DLGAP2: variants seen among roughly 807,000 people sequenced by gnomAD.
DLGAP2 encodes the protein disks large-associated protein 2.
In DLGAP2, 26 loss-of-function variants were observed where a neutral mutation model predicts 100.3. That is an observed-to-expected ratio of 0.26 (90% confidence interval 0.19 to 0.36). The LOEUF is 0.36. DLGAP2 is among the 10% of genes least tolerant of loss of function. DLGAP2 has a pLI of 1.00. For synonymous variants in DLGAP2, 886 were observed against 630.1 expected, an observed-to-expected ratio of 1.41 and a Z score of -6.08; for missense variants, 1,858 against 1,453.2, an observed-to-expected ratio of 1.28 and a Z score of -4.53.
chr8:1,458,159 G>A lies in DLGAP2; in HGVS notation c.107-43207G>A, dbSNP rs1003767565. On this transcript the variant is annotated intron_variant, in intron 3 of 14. Transcript: ENST00000637795. ...CTGACCTCGTGATCCACCCGCCTCG[G>A]CCTCCCAAAGTGCTGGGATTACAGG... Among the ~76,000 whole-genome samples the A allele has an allele frequency of 5.3e-5, 8 of 151,606 alleles. No individual in the cohort carries two copies. In the East Asian group the frequency reaches 1.2e-3, roughly 22 times the overall value.
chr8:917,126 C>T (rs989975821), intron 2 of DLGAP2, among the ~76,000 whole-genome samples: 3 of 152,148 alleles, frequency 2.0e-5, no homozygotes, highest in Admixed American at 6.5e-5. Context: ...AGTGAAGGGC[C>T]GGGGATAGTA....
At chr8:1,701,061 A>C in intron 14 of DLGAP2, 127 bp from the exon 15 acceptor site, 2 of 788,508 alleles carry the variant, frequency 2.5e-6, no homozygotes, top group Non-Finnish European at 4.0e-6. Flanking sequence ...GGGGGACGGG[A>C]GTGAAGGATG....
At chr8:763,542 G>A (rs947019443) in intron 1 of DLGAP2, among the ~76,000 whole-genome samples, 1 of 152,196 alleles carries the variant, frequency 6.6e-6, no homozygotes, top group African/African-American at 2.4e-5. Flanking sequence ...TTGCTCGAAA[G>A]GGTCTGTTGA....
intron 1 of DLGAP2, among the ~76,000 whole-genome samples, chr8:889,148 C>T (rs1797983800): frequency 2.6e-5 from 4 of 152,098 alleles, no homozygotes; most frequent in African/African-American, 7.2e-5. Flanking sequence ...AAGACAATGT[C>T]ATCAGTTAAG....
At chr8:1,187,229 C>G (rs1374297162) in intron 2 of DLGAP2, among the ~76,000 whole-genome samples, 1 of 152,082 alleles carries the variant, frequency 6.6e-6, no homozygotes, top group Non-Finnish European at 1.5e-5. Flanking sequence ...ACGGGACCTC[C>G]GTGACGTTTG....
intron 3 of DLGAP2, among the ~76,000 whole-genome samples, chr8:1,385,082 AC>A (rs1301600357): frequency 2.4e-5 from 2 of 81,746 alleles, no homozygotes; most frequent in African/African-American, 1.0e-4. Context: ...GTGCACAGTT[AC>A]CCCGGCCTAT....
intron 2 of DLGAP2, among the ~76,000 whole-genome samples, chr8:1,237,703 T>C (rs1161668263): frequency 9.1e-6 from 1 of 110,034 alleles, no homozygotes; most frequent in African/African-American, 3.9e-5. Flanking sequence ...TCTAGTTCTC[T>C]CACATGGTGC....
chr8:1,080,225 C>T (rs768342361), intron 2 of DLGAP2, among the ~76,000 whole-genome samples: 2 of 152,232 alleles, frequency 1.3e-5, no homozygotes, highest in Non-Finnish European at 2.9e-5. Flanking sequence ...TGCTGTCAGG[C>T]ACTCAGCAGG....
At chr8:1,495,203 G>A (rs1040783426) in intron 3 of DLGAP2, among the ~76,000 whole-genome samples, 7 of 152,174 alleles carry the variant, frequency 4.6e-5, no homozygotes, top group African/African-American at 1.2e-4. Context: ...TTGCCTGCTC[G>A]TGTGGTGGCC....
intron 1 of DLGAP2, among the ~76,000 whole-genome samples, chr8:754,442 T>C (rs1207281460): frequency 5.3e-5 from 8 of 152,238 alleles, no homozygotes; most frequent in Non-Finnish European, 1.0e-4. Flanking sequence ...GCCCATGCCT[T>C]TCCTGAAAGG....
chr8:1,433,669 T>C (rs1489710827), intron 3 of DLGAP2, among the ~76,000 whole-genome samples: 1 of 150,970 alleles, frequency 6.6e-6, no homozygotes, highest in Admixed American at 6.6e-5. Flanking sequence ...GGCAAACCAC[T>C]GAACACTGGT....
At chr8:936,585 G>A (rs1019720311) in intron 2 of DLGAP2, among the ~76,000 whole-genome samples, 3 of 152,150 alleles carry the variant, frequency 2.0e-5, no homozygotes, top group South Asian at 2.1e-4. Context: ...GACAGAACAC[G>A]ACTGAGGCAC....
intron 2 of DLGAP2, among the ~76,000 whole-genome samples, chr8:1,203,065 C>T (rs796893225): frequency 2.2e-4 from 33 of 152,284 alleles, no homozygotes; most frequent in African/African-American, 5.5e-4. Context: ...AGCTGCTCTC[C>T]GGCTCTCCCA....
intron 4 of DLGAP2, among the ~76,000 whole-genome samples, chr8:1,509,256 C>A (rs557918796): frequency 6.6e-6 from 1 of 150,966 alleles, no homozygotes; most frequent in Non-Finnish European, 1.5e-5. Context: ...GCTTGAACCC[C>A]GGAGGCAGAG....
rs551577152 is a variant in DLGAP2 at position 1,627,584 on chromosome 8, C to T, written c.1590+697C>T. 2.6e-4 allele frequency among the ~76,000 whole-genome samples: 40 copies of T among 152,368 alleles called. 1 individual carries two copies. In the South Asian group the frequency reaches 7.9e-3, roughly 30 times the overall value. The stretch of plus-strand genomic sequence containing the variant: ...GAAAGTTTATCATTTTAATTAAGCA[C>T]GTTGCTTACTCACTTAAATGCCTTT... On this transcript the variant is annotated intron_variant, in intron 7 of 14. Transcript: ENST00000637795.
intron 2 of DLGAP2, among the ~76,000 whole-genome samples, chr8:1,161,357 A>G (rs1796885280): frequency 1.3e-5 from 2 of 152,170 alleles, no homozygotes; most frequent in South Asian, 2.1e-4. Flanking sequence ...AACGTTTTAC[A>G]GGCAGGTGGA....
chr8:1,486,913 A>G (rs1245374687), intron 3 of DLGAP2, among the ~76,000 whole-genome samples: 1 of 152,168 alleles, frequency 6.6e-6, no homozygotes, highest in Non-Finnish European at 1.5e-5. Context: ...CACGTTCCCA[A>G]TACTGCTGGG....
chr8:1,171,560 G>A (rs1428141214), intron 2 of DLGAP2, among the ~76,000 whole-genome samples: 1 of 151,986 alleles, frequency 6.6e-6, no homozygotes, highest in East Asian at 1.9e-4. Flanking sequence ...TATGAATCTG[G>A]GTGCTCCTGT....
chr8:947,143 A>T (rs1799346693), intron 2 of DLGAP2, among the ~76,000 whole-genome samples: 1 of 152,152 alleles, frequency 6.6e-6, no homozygotes, highest in South Asian at 2.1e-4. Context: ...CTGTCTTTCA[A>T]TTGAACACAG....
Sources: allele counts gnomAD v4.1 joint callset (sites outside exome capture counted in the v4.1 genomes callset), GRCh38; gene constraint gnomAD v4.1.1; transcripts MANE v1.5; gene names NCBI Gene and HGNC (gene_info 2026-07-23, HGNC 2026-07-21).